Variants in DAPK1 observed in about 807,000 individuals in gnomAD.
DAPK1 encodes death-associated protein kinase 1.
A neutral mutation model predicts 144.9 loss-of-function variants in DAPK1; 56 were observed. That is an observed-to-expected ratio of 0.39 (90% CI 0.31 to 0.48). The LOEUF is 0.48. Ranked by LOEUF, DAPK1 falls within the 20% of genes least tolerant of loss-of-function variation. The pLI is 0.95. For synonymous variants in DAPK1, 690 were observed against 749.0 expected (o/e 0.92, Z 1.29); for missense variants, 1,454 against 1,875.4 (o/e 0.78, Z 4.15).
chr9:87,513,380 A>G (rs1824924826), intron 2 of DAPK1, among the ~76,000 whole-genome samples: 1 of 152,222 alleles, frequency 6.6e-6, no homozygotes, highest in African/African-American at 2.4e-5. Flanking sequence ...GAGTTCAGCC[A>G]AGGAGAGCGT....
At chr9:87,572,151 T>C (rs1827385074) in intron 2 of DAPK1, among the ~76,000 whole-genome samples, 1 of 152,226 alleles carries the variant, frequency 6.6e-6, no homozygotes, top group African/African-American at 2.4e-5. Flanking sequence ...TAGCAGCTAA[T>C]GATCATAGTA....
At chr9:87,647,748 T>C (rs1927975) in intron 14 of DAPK1, among the ~76,000 whole-genome samples, 61,510 of 152,132 alleles carry the variant, frequency 0.4, 14,381 homozygotes, top group East Asian at 0.61. Flanking sequence ...AGCGGATCTC[T>C]CCTATTCTCT....
chr9:87,662,560 G>GTTTTTTTTTTTTTTT lies in DAPK1; in HGVS notation c.1923+4444_1923+4458dup. 2.4e-3 allele frequency among the ~76,000 whole-genome samples: 76 copies of GTTTTTTTTTTTTTTT among 32,122 alleles called. 14 individuals carry two copies. The highest frequency in any genetic ancestry group is 9.2e-3 in the African/African-American group (60 of 6,540). 21.1% of individuals were successfully genotyped at this position (32,122 alleles called of 152,430 possible). On this transcript the variant is annotated intron_variant, in intron 18 of 25. Transcript: ENST00000408954. ...ACCTCCTTGGTTAAATATATTCCTA[G>GTTTTTTTTTTTTTTT]TTTTTTTTTTTTTTTTTTTTTTTTT...
intron 3 of DAPK1, among the ~76,000 whole-genome samples, chr9:87,623,808 C>A (rs141493440): frequency 6.6e-6 from 1 of 152,162 alleles, no homozygotes; most frequent in Admixed American, 6.5e-5. Context: ...AATGTAGAGA[C>A]GGTGAAAAAA....
At chr9:87,601,486 G>A (rs1345962453) in intron 2 of DAPK1, among the ~76,000 whole-genome samples, 1 of 151,680 alleles carries the variant, frequency 6.6e-6, no homozygotes, top group East Asian at 1.9e-4. Context: ...TACATCGTTA[G>A]CACAGGACAG....
intron 2 of DAPK1, among the ~76,000 whole-genome samples, chr9:87,570,264 G>GT (rs1224187724): frequency 6.6e-6 from 1 of 152,100 alleles, no homozygotes; most frequent in Non-Finnish European, 1.5e-5. Context: ...TTCTTACTCT[G>GT]TTTATGCCTC....
intron 17 of DAPK1, among the ~76,000 whole-genome samples, chr9:87,652,043 C>G (rs1372324603): frequency 1.4e-5 from 2 of 145,656 alleles, no homozygotes; most frequent in Non-Finnish European, 3.0e-5. Flanking sequence ...CCCACCTGAT[C>G]CCGGGTCCTG....
chr9:87,567,001 GT>G (rs1827150729), intron 2 of DAPK1, among the ~76,000 whole-genome samples: 1 of 152,184 alleles, frequency 6.6e-6, no homozygotes. Context: ...TTAATGAAGG[GT>G]TGCTAATGCA....
At chr9:87,579,866 T>C (rs1827689955) in intron 2 of DAPK1, among the ~76,000 whole-genome samples, 1 of 152,166 alleles carries the variant, frequency 6.6e-6, no homozygotes, top group South Asian at 2.1e-4. Flanking sequence ...TAAAAATGTA[T>C]TAAGTAGTAT....
At chr9:87,642,516 T>A (rs1469983902) in intron 10 of DAPK1, among the ~76,000 whole-genome samples, 3 of 152,128 alleles carry the variant, frequency 2.0e-5, no homozygotes, top group Non-Finnish European at 4.4e-5. Context: ...TGGCCTGTTC[T>A]CCTTCCTCAG....
At chr9:87,620,231 G>A (rs1031985893) in intron 3 of DAPK1, among the ~76,000 whole-genome samples, 1 of 152,166 alleles carries the variant, frequency 6.6e-6, no homozygotes, top group Non-Finnish European at 1.5e-5. Flanking sequence ...CTCAGGGCCA[G>A]GTGTTTTAGA....
chr9:87,676,952 T>C (rs944514069), intron 19 of DAPK1, among the ~76,000 whole-genome samples: 3 of 152,224 alleles, frequency 2.0e-5, no homozygotes, highest in African/African-American at 4.8e-5. Flanking sequence ...CTGGCTTTGC[T>C]CTGTCACCTT....
At chr9:87,569,593 C>G (rs1482346725) in intron 2 of DAPK1, among the ~76,000 whole-genome samples, 1 of 152,172 alleles carries the variant, frequency 6.6e-6, no homozygotes, top group African/African-American at 2.4e-5. Context: ...CCTAAGTTCT[C>G]ACTGCTGGAG....
intron 2 of DAPK1, among the ~76,000 whole-genome samples, chr9:87,557,910 C>T (rs945584192): frequency 6.6e-6 from 1 of 152,130 alleles, no homozygotes; most frequent in African/African-American, 2.4e-5. Context: ...CATTGCACTC[C>T]AGCCTGGGTG....
chr9:87,675,738 A>G (rs1351398897), intron 19 of DAPK1, among the ~76,000 whole-genome samples: 1 of 151,900 alleles, frequency 6.6e-6, no homozygotes, highest in Non-Finnish European at 1.5e-5. Context: ...GGGGCTGTCC[A>G]GGCTCTATTA....
intron 2 of DAPK1, among the ~76,000 whole-genome samples, chr9:87,521,123 C>T (rs1285746781): frequency 6.6e-6 from 1 of 152,220 alleles, no homozygotes; most frequent in East Asian, 1.9e-4. Flanking sequence ...ATTTTGGCTT[C>T]AGCACTGCTG....
intron 19 of DAPK1, among the ~76,000 whole-genome samples, chr9:87,670,098 T>C (rs1564061169): frequency 6.6e-6 from 1 of 152,140 alleles, no homozygotes; most frequent in Non-Finnish European, 1.5e-5. Flanking sequence ...GATTTCTCAC[T>C]CTGTACCATT....
intron 3 of DAPK1, among the ~76,000 whole-genome samples, chr9:87,617,085 C>T (rs75801129): frequency 0.023 from 3,436 of 152,276 alleles, 141 homozygotes; most frequent in African/African-American, 0.079. Context: ...CCAAACTTCC[C>T]GGTGTCCCCC....
chr9:87,587,864 A>G (rs1028075448), intron 2 of DAPK1, among the ~76,000 whole-genome samples: 2 of 152,266 alleles, frequency 1.3e-5, no homozygotes, highest in Admixed American at 1.3e-4. Flanking sequence ...AGAACAATGT[A>G]TGAGCTTTGG....
Sources: gnomAD v4.1 joint callset for allele counts (sites outside exome capture counted in the v4.1 genomes callset) on GRCh38, gnomAD v4.1.1 for gene constraint, MANE v1.5 for transcripts, NCBI Gene and HGNC (gene_info 2026-07-23, HGNC 2026-07-21) for gene names.